The following SLC9A9 variants were observed in gnomAD, a reference collection of about 807,000 sequenced individuals.
SLC9A9 encodes solute carrier family 9 member A9.
In SLC9A9, 62 loss-of-function variants were observed where a neutral mutation model predicts 77.8. That is an observed-to-expected ratio of 0.80 (90% confidence interval 0.65 to 0.98). The LOEUF (loss-of-function observed/expected upper bound fraction) is 0.98, where lower values mean the gene tolerates loss of function less well. SLC9A9 is among the 50% of genes least tolerant of loss of function. SLC9A9 has a pLI of 0.00. For synonymous variants in SLC9A9, 320 were observed against 283.5 expected, an observed-to-expected ratio of 1.13 and a Z score of -1.29; for missense variants, 775 against 774.9, an observed-to-expected ratio of 1.00 and a Z score of 0.00.
intron 9 of SLC9A9, among the ~76,000 whole-genome samples, chr3:143,524,307 C>A (rs1315885940): frequency 6.6e-6 from 1 of 151,328 alleles, no homozygotes; most frequent in East Asian, 2.2e-4. Flanking sequence ...GGGATAGAGG[C>A]TGAACTGAGA....
chr3:143,372,338 A>G (rs2033076722), intron 13 of SLC9A9, among the ~76,000 whole-genome samples: 1 of 152,182 alleles, frequency 6.6e-6, no homozygotes, highest in Admixed American at 6.5e-5. Context: ...AGTTACCAAA[A>G]CAGCACGGTA....
At chr3:143,636,624 C>T (rs891231327) in intron 6 of SLC9A9, among the ~76,000 whole-genome samples, 22 of 152,200 alleles carry the variant, frequency 1.4e-4, no homozygotes, top group African/African-American at 4.8e-4. Context: ...TTACCTTCCA[C>T]CCTTCCACCT....
intron 6 of SLC9A9, among the ~76,000 whole-genome samples, chr3:143,589,999 G>A (rs2037619581): frequency 6.6e-6 from 1 of 152,174 alleles, no homozygotes; most frequent in African/African-American, 2.4e-5. Context: ...TCAATATGAG[G>A]AGTTTTGCTG....
chr3:143,430,591 C>T (rs569156016), intron 12 of SLC9A9, among the ~76,000 whole-genome samples: 2 of 152,298 alleles, frequency 1.3e-5, no homozygotes, highest in African/African-American at 4.8e-5. Context: ...GGTGCTTCAG[C>T]AGCTGTTCTT....
chr3:143,682,633 C>T (rs547352227), intron 5 of SLC9A9, among the ~76,000 whole-genome samples: 1 of 152,156 alleles, frequency 6.6e-6, no homozygotes, highest in South Asian at 2.1e-4. Context: ...ATTAGAAGTT[C>T]AACACATGTC....
intron 12 of SLC9A9, among the ~76,000 whole-genome samples, chr3:143,448,146 G>A (rs924877590): frequency 2.6e-5 from 4 of 152,158 alleles, no homozygotes; most frequent in African/African-American, 4.8e-5. Context: ...TGGAAACTAA[G>A]TGGTAAGGAC....
At chr3:143,621,013 C>T (rs577126713) in intron 6 of SLC9A9, among the ~76,000 whole-genome samples, 4 of 152,186 alleles carry the variant, frequency 2.6e-5, no homozygotes, top group Middle Eastern at 3.2e-3. Context: ...GAGCCTCGCT[C>T]ATTGCTAGCA....
intron 14 of SLC9A9, among the ~76,000 whole-genome samples, chr3:143,333,498 C>T (rs1275672347): frequency 6.6e-6 from 1 of 152,158 alleles, no homozygotes; most frequent in African/African-American, 2.4e-5. Context: ...CTCTCATAGC[C>T]AGCACCCGTG....
At chr3:143,362,315 T>C (rs894395040) in intron 14 of SLC9A9, among the ~76,000 whole-genome samples, 1 of 152,172 alleles carries the variant, frequency 6.6e-6, no homozygotes, top group African/African-American at 2.4e-5. Context: ...TCAAAAACCC[T>C]CTATCTTCCA....
intron 9 of SLC9A9, among the ~76,000 whole-genome samples, chr3:143,529,120 T>A (rs144409972): frequency 6.6e-5 from 10 of 152,216 alleles, no homozygotes; most frequent in Middle Eastern, 3.4e-3. Context: ...TGAGCTAAGG[T>A]GCTTGAGGGT....
Position 143,796,895 on chromosome 3 carries a change from A to T in SLC9A9, c.387T>A (p.Phe129Leu). Reference protein sequence around the residue: ...QGNAILEKMTFDPEIFFNVLL... With the variant: ...QGNAILEKMTLDPEIFFNVLL... ...AAACATTGAAGAAGATTTCTGGATC[A>T]AATGTCATCTGCCAGAAAGGAAAAA... Residue 129 changes from phenylalanine to leucine, a missense_variant, in exon 3 of 16, where the codon TTT becomes TTA. Coordinates refer to ENST00000316549, the MANE Select transcript of SLC9A9 (RefSeq NM_173653.4). 1 of 1,612,324 alleles carries T rather than the reference A, an allele frequency of 6.2e-7. No homozygotes were observed. Among genetic ancestry groups the T allele is most frequent in the East Asian group, 2.2e-5 (1 of 44,714 alleles).
chr3:143,818,028 C>T (rs1365104982), intron 2 of SLC9A9, among the ~76,000 whole-genome samples: 1 of 151,542 alleles, frequency 6.6e-6, no homozygotes. Context: ...ATTTAAGCTA[C>T]ACAGAAAAAA....
intron 4 of SLC9A9, among the ~76,000 whole-genome samples, chr3:143,718,876 C>T (rs1375458754): frequency 1.3e-5 from 2 of 152,154 alleles, no homozygotes; most frequent in Admixed American, 6.5e-5. Context: ...ATCAGAAACT[C>T]GGAGTTTAGC....
intron 5 of SLC9A9, among the ~76,000 whole-genome samples, chr3:143,664,090 G>A (rs868227322): frequency 1.3e-5 from 2 of 152,088 alleles, no homozygotes; most frequent in Admixed American, 6.6e-5. Context: ...GAAAGGTCAG[G>A]TTGCCCACAA....
intron 5 of SLC9A9, among the ~76,000 whole-genome samples, chr3:143,677,970 G>GCGCC (rs1932940340): frequency 6.6e-6 from 1 of 152,116 alleles, no homozygotes; most frequent in African/African-American, 2.4e-5. Flanking sequence ...GGGACTACAG[G>GCGCC]CGCCTGCCAC....
intron 6 of SLC9A9, among the ~76,000 whole-genome samples, chr3:143,632,656 A>G (rs1196189696): frequency 6.6e-6 from 1 of 152,214 alleles, no homozygotes; most frequent in Non-Finnish European, 1.5e-5. Context: ...CTTGAATAGT[A>G]TTACATGGTT....
At chr3:143,268,252 C>T (rs999991471) in intron 15 of SLC9A9, among the ~76,000 whole-genome samples, 9 of 152,168 alleles carry the variant, frequency 5.9e-5, no homozygotes, top group Non-Finnish European at 8.8e-5. Flanking sequence ...TCCCTTGAGC[C>T]ATAAATCACA....
intron 12 of SLC9A9, among the ~76,000 whole-genome samples, chr3:143,416,435 C>T (rs1278917506): frequency 6.6e-6 from 1 of 152,090 alleles, no homozygotes; most frequent in African/African-American, 2.4e-5. Context: ...CCACAGCCTC[C>T]CTAGCCTTCA....
intron 6 of SLC9A9, chr3:143,627,564 C>A: frequency 6.2e-6 from 2 of 320,198 alleles, no homozygotes; most frequent in South Asian, 7.3e-5. Context: ...ACTATGTAGT[C>A]AGCGGTGGTT....
Sources: gnomAD v4.1 joint callset for allele counts (sites outside exome capture counted in the v4.1 genomes callset) on GRCh38, gnomAD v4.1.1 for gene constraint, MANE v1.5 for transcripts, NCBI Gene and HGNC (gene_info 2026-07-23, HGNC 2026-07-21) for gene names.